The following LRRC49 variants were observed in gnomAD, a reference collection of about 807,000 sequenced individuals.
The protein encoded by LRRC49 is leucine-rich repeat-containing protein 49.
A neutral mutation model predicts 83.3 loss-of-function variants in LRRC49; 50 were observed. The observed-to-expected ratio is 0.60, with a 90% CI of 0.48 to 0.76. The LOEUF (loss-of-function observed/expected upper bound fraction) is 0.76, where lower values mean the gene tolerates loss of function less well. LRRC49 is among the 30% of genes least tolerant of loss of function. LRRC49 has a pLI of 0.00. For missense variants in LRRC49, 704 were observed against 809.1 expected (o/e 0.87, Z 1.58); for synonymous variants, 286 against 283.3 (o/e 1.01, Z -0.10).
At chr15:70,863,321 C>T (rs2032835305) in intron 1 of LRRC49, among the ~76,000 whole-genome samples, 1 of 152,156 alleles carries the variant, frequency 6.6e-6, no homozygotes, top group Non-Finnish European at 1.5e-5. Flanking sequence ...GTTTGGTGGC[C>T]ACTGACCGAA....
intron 4 of LRRC49, among the ~76,000 whole-genome samples, chr15:70,901,911 C>T (rs577114096): frequency 2.4e-4 from 36 of 152,278 alleles, no homozygotes; most frequent in Non-Finnish European, 4.6e-4. Context: ...GGATCCCAAT[C>T]TCTATCTACC....
intron 15 of LRRC49, among the ~76,000 whole-genome samples, chr15:71,045,368 A>T (rs2039823616): frequency 6.6e-6 from 1 of 152,228 alleles, no homozygotes; most frequent in Non-Finnish European, 1.5e-5. Context: ...TACTTACTTT[A>T]TCACATATCT....
At chr15:70,990,300 C>T (rs1487492366) in intron 11 of LRRC49, among the ~76,000 whole-genome samples, 4 of 152,330 alleles carry the variant, frequency 2.6e-5, no homozygotes, top group African/African-American at 9.6e-5. Flanking sequence ...GTTGGAGCTT[C>T]CTGGCTGCTG....
In LRRC49 at chr15:70,896,199, A is replaced by T. The variant is rs549625664; in HGVS notation, c.193+263A>T. Among the ~76,000 whole-genome samples, 5 of 152,282 alleles carry T rather than the reference A, an allele frequency of 3.3e-5. No individual in the cohort carries two copies. The South Asian group carries it at 6.2e-4, about 19-fold the overall frequency. On this transcript the variant is annotated intron_variant, in intron 3 of 15. Coordinates refer to ENST00000260382, the MANE Select transcript of LRRC49 (RefSeq NM_017691.5). ...AGAATGGAAAAAGAATGTTTCAAAT[A>T]CTGTATTAGAACAGTATTTGGAAGT...
intron 8 of LRRC49, among the ~76,000 whole-genome samples, chr15:70,957,134 G>C (rs1184847336): frequency 6.6e-6 from 1 of 152,122 alleles, no homozygotes; most frequent in Non-Finnish European, 1.5e-5. Flanking sequence ...CCCATTCTTA[G>C]ACCAATTCCA....
chr15:70,859,297 C>A (rs2141067959), intron 1 of LRRC49: 1 of 814,634 alleles, frequency 1.2e-6, no homozygotes, highest in South Asian at 1.3e-5. Context: ...AATTTGTCCT[C>A]ATCAAGAAGG....
intron 10 of LRRC49, among the ~76,000 whole-genome samples, chr15:70,981,459 C>T (rs866187790): frequency 6.7e-6 from 1 of 149,862 alleles, no homozygotes; most frequent in African/African-American, 2.5e-5. Context: ...CAAACCTGCA[C>T]GTTCTGCATA....
upstream of LRRC49, chr15:70,892,294 G>A (rs1370688417): frequency 6.4e-7 from 1 of 1,552,218 alleles, no homozygotes; most frequent in East Asian, 2.4e-5. Context: ...TCGGTGCGCG[G>A]GAGCCGGGTT....
rs139837212 is a variant in LRRC49 at position 70,979,145 on chromosome 15, G to A, written c.922-956G>A. 4.5e-3 allele frequency among the ~76,000 whole-genome samples: 682 copies of A among 151,966 alleles called. 7 individuals are homozygous for A. Among genetic ancestry groups the A allele is most frequent in the African/African-American group, 9.1e-3 (377 of 41,476 alleles). ...AATTTATTAAAATCTGACAGTCTTC[G>A]GGGGAAAAATTGTCCAGATTGTGTA... On this transcript the variant is annotated intron_variant, in intron 9 of 15. Coordinates refer to ENST00000260382, the MANE Select transcript of LRRC49 (RefSeq NM_017691.5).
rs1297854127 is a variant in LRRC49 at position 71,051,870 on chromosome 15, A to C, written c.*2258A>C. ...GGGTCTCTCTCTTGTTCCTGAAACC[A>C]AGCCTCTTTATTCCTCAGCTTTGGT... On this transcript the variant is annotated 3_prime_UTR_variant, in exon 16 of 16. Transcript: ENST00000260382. 1.3e-5 allele frequency: 2 copies of C among 152,380 alleles called. No individual in the cohort carries two copies. The highest frequency in any genetic ancestry group is 2.9e-5 in the Non-Finnish European group (2 of 68,238). 9.4% of individuals were successfully genotyped at this position (152,380 alleles called of 1,614,324 possible). A position where few individuals can be genotyped will look rare whatever the true frequency, so the allele number is the denominator to read the frequency against.
intron 14 of LRRC49, among the ~76,000 whole-genome samples, chr15:71,020,040 C>T (rs927136094): frequency 2.0e-5 from 3 of 152,148 alleles, no homozygotes; most frequent in African/African-American, 4.8e-5. Flanking sequence ...GACTATAAAA[C>T]GACTGTGCCT....
At chr15:70,988,824 C>A (rs977977469) in intron 11 of LRRC49, among the ~76,000 whole-genome samples, 4 of 152,060 alleles carry the variant, frequency 2.6e-5, no homozygotes, top group Middle Eastern at 3.2e-3. Flanking sequence ...TCTTTTAGGG[C>A]AGGCCTGGTG....
At chr15:71,020,484 G>A (rs569932939) in intron 14 of LRRC49, among the ~76,000 whole-genome samples, 30 of 152,094 alleles carry the variant, frequency 2.0e-4, no homozygotes, top group African/African-American at 6.5e-4. Context: ...CCAGCTAATC[G>A]CAAAAAGGAT....
At chr15:70,968,891 C>T (rs1359364266) in intron 9 of LRRC49, among the ~76,000 whole-genome samples, 4 of 152,164 alleles carry the variant, frequency 2.6e-5, no homozygotes, top group East Asian at 3.9e-4. Context: ...AGTCCTTTGT[C>T]GGATGGATAG....
At chr15:70,887,185 T>C (rs1223368183) in intron 2 of LRRC49, among the ~76,000 whole-genome samples, 1 of 152,070 alleles carries the variant, frequency 6.6e-6, no homozygotes, top group Admixed American at 6.5e-5. Context: ...CTACCAAATA[T>C]TAATACCAAA....
intron 11 of LRRC49, among the ~76,000 whole-genome samples, chr15:71,004,054 A>G (rs1437372861): frequency 1.3e-5 from 2 of 152,238 alleles, no homozygotes; most frequent in African/African-American, 2.4e-5. Context: ...AGATCCATGC[A>G]TGATACTTTG....
chr15:70,867,199 G>A (rs567855233), intron 1 of LRRC49, among the ~76,000 whole-genome samples: 1 of 152,036 alleles, frequency 6.6e-6, no homozygotes, highest in East Asian at 1.9e-4. Flanking sequence ...CTTTGTGACG[G>A]GAATCCTCAT....
intron 8 of LRRC49, among the ~76,000 whole-genome samples, chr15:70,956,478 T>C (rs978014862): frequency 9.9e-5 from 15 of 151,186 alleles, no homozygotes; most frequent in African/African-American, 3.6e-4. Flanking sequence ...ATGAGAGCAA[T>C]TGAGTGTTCT....
chr15:70,962,937 G>C (rs1317257916), intron 8 of LRRC49, among the ~76,000 whole-genome samples: 1 of 151,928 alleles, frequency 6.6e-6, no homozygotes, highest in Non-Finnish European at 1.5e-5. Context: ...TGAACATGTT[G>C]ATCAGGGTCA....
Sources: gnomAD v4.1 joint callset for allele counts (sites outside exome capture counted in the v4.1 genomes callset) on GRCh38, gnomAD v4.1.1 for gene constraint, MANE v1.5 for transcripts, NCBI Gene and HGNC (gene_info 2026-07-23, HGNC 2026-07-21) for gene names.